NPEPPS: variants seen among roughly 807,000 people sequenced by gnomAD.
The protein encoded by NPEPPS is puromycin-sensitive aminopeptidase.
NPEPPS carries 14 observed loss-of-function variants against 115.5 expected under a neutral mutation model. That is an observed-to-expected ratio of 0.12 (90% confidence interval 0.08 to 0.19). NPEPPS has a LOEUF of 0.19. Ranked by LOEUF, NPEPPS falls within the 10% of genes least tolerant of loss-of-function variation. The probability of loss-of-function intolerance (pLI) is 1.00; values close to 1 mark genes in which losing one functional copy is unlikely to be tolerated. For missense variants in NPEPPS, 523 were observed against 1,110.8 expected (o/e 0.47, Z 7.52); for synonymous variants, 285 against 390.6 (o/e 0.73, Z 3.19).
In NPEPPS at chr17:47,526,089, G is replaced by A. The variant is rs147805380; in HGVS notation, c.77+3026G>A. Among the ~76,000 whole-genome samples, 417 of 152,238 alleles carry A rather than the reference G, an allele frequency of 2.7e-3. 11 individuals carry two copies. In the East Asian group the frequency reaches 0.073, roughly 27 times the overall value. ...TAGCCAGACATGGTGGCGCATGCCT[G>A]TAATTCCAGCTACTCAGGAGGCTGA... On this transcript the variant is annotated intron_variant, in intron 1 of 5. Transcript: ENST00000525007.
upstream of NPEPPS, among the ~76,000 whole-genome samples, chr17:47,527,249 G>A (rs1397798507): frequency 1.3e-5 from 2 of 152,090 alleles, no homozygotes; most frequent in Non-Finnish European, 2.9e-5. Context: ...TTGGGAGGCC[G>A]AGGTGGGCGG....
At chr17:47,528,436 C>A (rs1907525001), upstream of NPEPPS, among the ~76,000 whole-genome samples, 1 of 152,178 alleles carries the variant, frequency 6.6e-6, no homozygotes, top group African/African-American at 2.4e-5. Flanking sequence ...ATCTGCCTTT[C>A]TGAAAAGTAT....
chr17:47,552,091 C>T (rs1269979791), intron 2 of NPEPPS, among the ~76,000 whole-genome samples: 19 of 145,260 alleles, frequency 1.3e-4, no homozygotes, highest in African/African-American at 4.5e-4. Flanking sequence ...CACAGCCTCC[C>T]GGAGAGCTGG....
chr17:47,551,085 G>GAACTTTACTCTGA (rs1394846626), intron 2 of NPEPPS, among the ~76,000 whole-genome samples: 5 of 152,118 alleles, frequency 3.3e-5, no homozygotes, highest in Admixed American at 2.6e-4. Context: ...TTTCTCAATG[G>GAACTTTACTCTGA]AACTTTACTC....
At chr17:47,585,326 C>T (rs1309786160) in intron 5 of NPEPPS, among the ~76,000 whole-genome samples, 174 bp from the exon 6 acceptor site, 1 of 152,118 alleles carries the variant, frequency 6.6e-6, no homozygotes, top group Non-Finnish European at 1.5e-5. Context: ...TATCAGACCA[C>T]TTTCCTTCTT....
chr17:47,553,763 T>TC (rs1909809162), intron 2 of NPEPPS, among the ~76,000 whole-genome samples: 2 of 151,966 alleles, frequency 1.3e-5, no homozygotes, highest in Admixed American at 1.3e-4. Context: ...CTCTCTCTTT[T>TC]TTTTTTTTTT....
chr17:47,605,959 C>T (rs2143932884), intron 17 of NPEPPS, among the ~76,000 whole-genome samples: 1 of 152,182 alleles, frequency 6.6e-6, no homozygotes, highest in Non-Finnish European at 1.5e-5. Flanking sequence ...CTCACCGCAA[C>T]CTCCGCTTCC....
At chr17:47,575,208 T>C (rs1198521451) in intron 3 of NPEPPS, among the ~76,000 whole-genome samples, 7 of 152,208 alleles carry the variant, frequency 4.6e-5, no homozygotes, top group Admixed American at 2.6e-4. Context: ...TGAAATGAAA[T>C]TTTCCTTTCA....
intron 14 of NPEPPS, 80 bp from the exon 15 acceptor site, chr17:47,601,528 G>T (rs1913198573): frequency 4.6e-6 from 7 of 1,537,278 alleles, no homozygotes; most frequent in South Asian, 2.3e-5. Context: ...TAGGCTCCTG[G>T]TTAGAACACC....
intron 2 of NPEPPS, among the ~76,000 whole-genome samples, chr17:47,550,155 T>G (rs937616751): frequency 2.2e-4 from 34 of 152,046 alleles, no homozygotes; most frequent in East Asian, 7.8e-4. Flanking sequence ...GGATGGTCTC[T>G]ATCTCCTGAC....
At chr17:47,587,522 A>C (rs797012332) in intron 9 of NPEPPS, among the ~76,000 whole-genome samples, 178 bp downstream of exon 9, 1 of 151,834 alleles carries the variant, frequency 6.6e-6, no homozygotes, top group Non-Finnish European at 1.5e-5. Flanking sequence ...TGCATTGAAC[A>C]AGGGCATATG....
Position 47,618,995 on chromosome 17 carries a change from CTTTCTT to C in NPEPPS, c.2404-10_2404-5del. 6.2e-7 allele frequency: 1 copy of C among 1,609,524 alleles called. No individual in the cohort carries two copies. The highest frequency in any genetic ancestry group is 8.5e-7 in the Non-Finnish European group (1 of 1,177,334). On this transcript the variant is annotated splice_polypyrimidine_tract_variant and splice_region_variant and intron_variant, in intron 20 of 22. Coordinates refer to ENST00000322157, the MANE Select transcript of NPEPPS (RefSeq NM_006310.4). ...TTTGATACACTAGACTTTTAGCTCT[CTTTCTT>C]TTTTTAGGAAGAGGTACGTCCACAG...
chr17:47,563,813 G>T (rs1376929051), intron 2 of NPEPPS, among the ~76,000 whole-genome samples: 1 of 152,096 alleles, frequency 6.6e-6, no homozygotes. Flanking sequence ...CTCGTGATCC[G>T]CCCTCCTTGG....
At chr17:47,541,698 C>A (rs1908780564) in intron 1 of NPEPPS, among the ~76,000 whole-genome samples, 1 of 152,102 alleles carries the variant, frequency 6.6e-6, no homozygotes, top group Admixed American at 6.6e-5. Flanking sequence ...TTTAAGTCAA[C>A]TTCTGAATAG....
chr17:47,589,691 A>C (rs1405105120), intron 9 of NPEPPS, among the ~76,000 whole-genome samples: 1 of 152,134 alleles, frequency 6.6e-6, no homozygotes, highest in Non-Finnish European at 1.5e-5. Context: ...ATGCATTCTT[A>C]TTTAACAGGT....
rs528501596 is a variant in NPEPPS at position 47,615,903 on chromosome 17, C to T, written c.2295+2178C>T. Among the ~76,000 whole-genome samples, 3 of 152,230 alleles carry T rather than the reference C, an allele frequency of 2.0e-5. No individual in the cohort carries two copies. The South Asian group carries it at 6.2e-4, about 32-fold the overall frequency. Reference sequence around the variant, plus strand: ...GCCGAATCATGGTTCTTCAAGAAGCCACTTGGTAAGAGATGAGGAGGGTTG... The same window carrying T: ...GCCGAATCATGGTTCTTCAAGAAGCTACTTGGTAAGAGATGAGGAGGGTTG... On this transcript the variant is annotated intron_variant, in intron 19 of 22. Coordinates refer to ENST00000322157, the MANE Select transcript of NPEPPS (RefSeq NM_006310.4).
chr17:47,618,975 T>C (rs746708672), intron 20 of NPEPPS, 34 bp from the exon 21 acceptor site: 26 of 1,600,028 alleles, frequency 1.6e-5, no homozygotes, highest in African/African-American at 2.7e-5. Context: ...ATGTTTTTGA[T>C]ACACTAGACT....
rs77221119 is a variant in NPEPPS, at chr17:47,555,607, G to A, written c.340+9614G>A. Among the ~76,000 whole-genome samples the A allele has an allele frequency of 3.2e-3, 487 of 151,530 alleles. 6 individuals carry two copies. The highest frequency in any genetic ancestry group is 0.011 in the African/African-American group (470 of 41,352). ...GGTGATCTGCCTGCCTCAGCCTCCC[G>A]CAGTGCTGGGATTACAGGCACAAGC... On this transcript the variant is annotated intron_variant, in intron 2 of 22. Coordinates refer to ENST00000322157, the MANE Select transcript of NPEPPS (RefSeq NM_006310.4).
intron 2 of NPEPPS, among the ~76,000 whole-genome samples, chr17:47,563,552 G>C (rs1715384594): frequency 6.6e-6 from 1 of 152,008 alleles, no homozygotes; most frequent in Non-Finnish European, 1.5e-5. Flanking sequence ...GAACTGTAAG[G>C]TGTGTTATGA....
Sources: gnomAD v4.1 joint callset for allele counts (sites outside exome capture counted in the v4.1 genomes callset) on GRCh38, gnomAD v4.1.1 for gene constraint, MANE v1.5 for transcripts, NCBI Gene and HGNC (gene_info 2026-07-23, HGNC 2026-07-21) for gene names.